ADGRV1: variants seen among roughly 807,000 people sequenced by gnomAD.
The protein encoded by ADGRV1 is G-protein coupled receptor 98.
ADGRV1 carries 359 observed loss-of-function variants against 596.2 expected under a neutral mutation model. The observed-to-expected ratio is 0.60, with a 90% CI of 0.55 to 0.66. The LOEUF is 0.66. Ranked by LOEUF, ADGRV1 falls within the 30% of genes least tolerant of loss-of-function variation. The pLI, the probability that ADGRV1 is intolerant of heterozygous loss-of-function variation, is 0.00. For synonymous variants in ADGRV1, 2,681 were observed against 2,679.2 expected (o/e 1.00, Z -0.02); for missense variants, 7,274 against 7,575.6 (o/e 0.96, Z 1.48).
intron 43 of ADGRV1, chr5:90,717,013 A>G: frequency 4.5e-6 from 1 of 220,436 alleles, no homozygotes; most frequent in Non-Finnish European, 9.1e-6. Context: ...TAAATTGCAT[A>G]TGTCACTTTA....
rs547157367 is a variant in ADGRV1, at chr5:90,743,706, C to T, written c.10550-1340C>T. On this transcript the variant is annotated intron_variant, in intron 50 of 89. Coordinates refer to ENST00000405460, the MANE Select transcript of ADGRV1 (RefSeq NM_032119.4). The stretch of plus-strand genomic sequence containing the variant: ...CAGGATGGTCTCGATCTCCCGACCT[C>T]GTGATCTTCCTGCCTCTGCCTCCCA... Among the ~76,000 whole-genome samples the T allele has an allele frequency of 9.9e-5, 15 of 152,116 alleles. No homozygotes were observed. In the East Asian group the frequency reaches 2.3e-3, roughly 24 times the overall value.
chr5:90,981,719 A>G (rs1780092199), intron 84 of ADGRV1, among the ~76,000 whole-genome samples: 1 of 152,226 alleles, frequency 6.6e-6, no homozygotes, highest in African/African-American at 2.4e-5. Flanking sequence ...AAATGAATGA[A>G]TAAGTGAATA....
At chr5:90,942,213 A>T (rs1776218160) in intron 83 of ADGRV1, among the ~76,000 whole-genome samples, 1 of 152,226 alleles carries the variant, frequency 6.6e-6, no homozygotes, top group Non-Finnish European at 1.5e-5. Context: ...TGAGTTTATG[A>T]TGATCCCATA....
intron 85 of ADGRV1, among the ~76,000 whole-genome samples, chr5:91,017,833 G>A (rs1017523227): frequency 1.3e-5 from 2 of 151,830 alleles, no homozygotes; most frequent in Non-Finnish European, 2.9e-5. Flanking sequence ...TCAGCACTTT[G>A]AACAAGTCCT....
intron 85 of ADGRV1, among the ~76,000 whole-genome samples, chr5:91,030,250 T>G (rs1006158225): frequency 5.3e-5 from 8 of 152,178 alleles, no homozygotes; most frequent in Non-Finnish European, 1.0e-4. Context: ...CCCTTTATTT[T>G]AGTCCACTCT....
chr5:90,900,145 C>T (rs899309666), intron 83 of ADGRV1, among the ~76,000 whole-genome samples: 65 of 152,078 alleles, frequency 4.3e-4, no homozygotes, highest in African/African-American at 1.5e-3. Flanking sequence ...TTAGGTGTCA[C>T]TCCCATTATC....
At chr5:90,736,154 A>G (rs1753190825) in intron 50 of ADGRV1, among the ~76,000 whole-genome samples, 1 of 152,046 alleles carries the variant, frequency 6.6e-6, no homozygotes, top group African/African-American at 2.4e-5. Flanking sequence ...CATTTCCTCT[A>G]TACCTATTAT....
At position 90,647,764 on chromosome 5, in the gene ADGRV1, G is replaced by A. The variant is rs148097083; in HGVS notation, c.3289G>A (p.Gly1097Ser). The part of the protein sequence containing the change: ...PFYIILLNST[G>S]DTVVYQYGVA... ...TTATATAATCCTCTTGAATTCAACA[G>A]GTAAGTAAATTATGCTTTTTTATGG... is the stretch of plus-strand genomic sequence containing the variant. Residue 1097 changes from glycine to serine, a missense_variant and splice_region_variant, in exon 17 of 90, where the codon GGT becomes AGT. By Grantham distance (56) the Gly-to-Ser change is moderately conservative (BLOSUM62 0). Transcript: ENST00000405460. 3.1e-3 allele frequency: 4,977 copies of A among 1,609,230 alleles called. 41 individuals are homozygous for A. Among genetic ancestry groups the A allele is most frequent in the Middle Eastern group, 6.8e-3 (41 of 6,042 alleles).
At chr5:91,003,533 G>A (rs1782010328) in intron 85 of ADGRV1, among the ~76,000 whole-genome samples, 1 of 152,164 alleles carries the variant, frequency 6.6e-6, no homozygotes, top group South Asian at 2.1e-4. Flanking sequence ...ATTCTGTTCA[G>A]TTCTAGAAAT....
chr5:90,594,537 G>GTTTTGGCA, intron 1 of ADGRV1, among the ~76,000 whole-genome samples: 1 of 139,714 alleles, frequency 7.2e-6, no homozygotes, highest in South Asian at 2.3e-4. Flanking sequence ...CACAGAGGGG[G>GTTTTGGCA]ATTTGGCAGG....
chr5:90,656,865 G>T (rs770183208), intron 20 of ADGRV1, among the ~76,000 whole-genome samples: 2 of 151,986 alleles, frequency 1.3e-5, no homozygotes, highest in Non-Finnish European at 2.9e-5. Context: ...AGCATGAAAA[G>T]GTTTGTTATT....
chr5:91,055,380 A>G (rs1786748330), intron 85 of ADGRV1, among the ~76,000 whole-genome samples: 1 of 114,826 alleles, frequency 8.7e-6, no homozygotes, highest in Non-Finnish European at 2.0e-5. Flanking sequence ...AAATTAAACC[A>G]ATTTGCATAC....
intron 1 of ADGRV1, among the ~76,000 whole-genome samples, chr5:90,566,833 A>G (rs1755699576): frequency 6.6e-6 from 1 of 152,098 alleles, no homozygotes; most frequent in African/African-American, 2.4e-5. Context: ...TGTCCTGCCT[A>G]GAACTTCCAG....
At chr5:90,785,290 A>G (rs1184945037) in intron 67 of ADGRV1, among the ~76,000 whole-genome samples, 3 of 151,988 alleles carry the variant, frequency 2.0e-5, no homozygotes, top group Non-Finnish European at 4.4e-5. Flanking sequence ...TAGACCTAAA[A>G]CCATAAAAAC....
At chr5:90,693,829 T>C in intron 32 of ADGRV1, 61 bp from the exon 33 acceptor site, 1 of 1,265,862 alleles carries the variant, frequency 7.9e-7, no homozygotes, top group East Asian at 2.5e-5. Context: ...GCATTCCTCT[T>C]CTCTATTTGT....
chr5:90,880,889 A>T (rs1769700696), intron 83 of ADGRV1, among the ~76,000 whole-genome samples: 1 of 152,170 alleles, frequency 6.6e-6, no homozygotes, highest in Non-Finnish European at 1.5e-5. Flanking sequence ...TAGTGGCCAG[A>T]TTTTAGCAGT....
At chr5:91,146,315 G>T (rs2126872356) in intron 87 of ADGRV1, among the ~76,000 whole-genome samples, 1 of 152,274 alleles carries the variant, frequency 6.6e-6, no homozygotes, top group East Asian at 1.9e-4. Flanking sequence ...GAAGTATACA[G>T]TAGATCCTTT....
At chr5:91,062,953 C>CT (rs70973726) in intron 85 of ADGRV1, among the ~76,000 whole-genome samples, 10,431 of 80,810 alleles carry the variant, frequency 0.13, 703 homozygotes, top group Admixed American at 0.24. Context: ...GTTTCTCAAA[C>CT]TTTTTTTTTT....
chr5:90,785,241 G>T (rs1389797928), intron 67 of ADGRV1, among the ~76,000 whole-genome samples: 6 of 152,198 alleles, frequency 3.9e-5, no homozygotes, highest in East Asian at 3.9e-4. Context: ...TTACACCTTA[G>T]ACAAAAATTA....
Sources: gnomAD v4.1 joint callset for allele counts (sites outside exome capture counted in the v4.1 genomes callset) on GRCh38, gnomAD v4.1.1 for gene constraint, MANE v1.5 for transcripts, NCBI Gene and HGNC (gene_info 2026-07-23, HGNC 2026-07-21) for gene names.